The following TMED6 variants were observed in gnomAD, a reference collection of about 807,000 sequenced individuals.
The protein encoded by TMED6 is transmembrane emp24 domain-containing protein 6.
A neutral mutation model predicts 26.5 loss-of-function variants in TMED6; 17 were observed. That is an observed-to-expected ratio of 0.64 (90% CI 0.44 to 0.96). TMED6 has a LOEUF of 0.96. Ranked by LOEUF, TMED6 falls within the 40% of genes least tolerant of loss-of-function variation. The pLI, the probability that TMED6 is intolerant of heterozygous loss-of-function variation, is 0.00. For synonymous variants in TMED6, 107 were observed against 106.2 expected (o/e 1.01, Z -0.04); for missense variants, 309 against 296.5 (o/e 1.04, Z -0.31).
chr16:69,345,162 AG>A (rs2012663857), intron 3 of TMED6, among the ~76,000 whole-genome samples: 1 of 152,144 alleles, frequency 6.6e-6, no homozygotes, highest in Non-Finnish European at 1.5e-5. Flanking sequence ...CTGTAGTCCC[AG>A]CTACTCAGGA....
Position 69,343,299 on chromosome 16 carries a change from A to C in TMED6, c.*108T>G, listed in dbSNP as rs193273917. ...CCATTTTGCTTTTTTAGATGTGTGC[A>C]GCAGACTAAAACATTAATGAGATAA... is the stretch of plus-strand genomic sequence containing the variant. On this transcript the variant is annotated 3_prime_UTR_variant, in exon 4 of 4. Transcript: ENST00000288025. The C allele has an allele frequency of 2.1e-5, 21 of 1,018,614 alleles. No homozygotes were observed. Among genetic ancestry groups the C allele is most frequent in the African/African-American group, 3.3e-5 (2 of 61,410 alleles). 63.1% of individuals were successfully genotyped at this position (1,018,614 alleles called of 1,614,324 possible).
chr16:69,347,803 A>AG lies in TMED6; in HGVS notation c.473dup (p.Leu159SerfsTer5), dbSNP rs745996737. 2.5e-6 allele frequency: 4 copies of AG among 1,613,944 alleles called. No individual in the cohort carries two copies. In the African/African-American group the frequency reaches 4.0e-5, roughly 16 times the overall value. On this transcript the variant is annotated frameshift_variant, in exon 3 of 4. Coordinates refer to ENST00000288025, the MANE Select transcript of TMED6 (RefSeq NM_144676.4). LOFTEE classifies it high-confidence loss of function. ...ACTTCCTTACCTCAATTGCATCCAG[A>AG]GTATCATTCAGTTGTTTTCTTTCCT...
rs143139479 is a variant in TMED6 at position 69,351,701 on chromosome 16, G to A, written c.53C>T (p.Ser18Phe). ...AGLVVLNLVT[S>F]ARSQKTEPLS... is the part of the protein sequence containing the mutation. The stretch of plus-strand genomic sequence containing the variant: ...AGGTTCTGTCTTCTGGCTCCTGGCA[G>A]ACGTCACTAGATTCAGAACGACCAG... Residue 18 changes from serine to phenylalanine, a missense_variant, in exon 1 of 4, where the codon TCT (serine) becomes TTT (phenylalanine). Transcript: ENST00000288025. 11 of 1,613,624 alleles carry A rather than the reference G, an allele frequency of 6.8e-6. No homozygotes were observed. The highest frequency in any genetic ancestry group is 8.5e-6 in the Non-Finnish European group (10 of 1,180,024).
chr16:69,349,624 C>A lies in TMED6; in HGVS notation c.241G>T (p.Asp81Tyr). The A allele has an allele frequency of 1.2e-6, 2 of 1,613,802 alleles. No homozygotes were observed. The highest frequency in any genetic ancestry group is 2.2e-5 in the South Asian group (2 of 91,014). Reference sequence around the variant, plus strand: ...TGTGCCGTGGCAGCAACATGCCGGTCATGTGACATCCCCACTGTCCGCTGA... The same window carrying A: ...TGTGCCGTGGCAGCAACATGCCGGTAATGTGACATCCCCACTGTCCGCTGA... ...EVQRTVGMSH[D>Y]RHVAATAHNP... Residue 81 changes from aspartate (D) to tyrosine (Y), a missense_variant, in exon 2 of 4, where the codon GAC (aspartate) becomes TAC (tyrosine). Asp to Tyr is a radical substitution (Grantham distance 160). Transcript: ENST00000288025.
At chr16:69,345,927 C>T (rs559350985) in intron 3 of TMED6, among the ~76,000 whole-genome samples, 52 of 152,260 alleles carry the variant, frequency 3.4e-4, no homozygotes, top group African/African-American at 1.2e-3. Context: ...AGCTATCCTA[C>T]CTCAGCCTCA....
In TMED6 at chr16:69,349,733, G is replaced by A. The variant is rs371086013; in HGVS notation, c.214-82C>T. 61 of 1,544,006 alleles carry A rather than the reference G, an allele frequency of 4.0e-5. 1 individual carries two copies. The highest frequency in any genetic ancestry group is 1.8e-4 in the African/African-American group (13 of 73,580). On this transcript the variant is annotated intron_variant, in intron 1 of 3. Coordinates refer to ENST00000288025, the MANE Select transcript of TMED6 (RefSeq NM_144676.4). ...CTGAGTGGTAAGATTGACGTCCCAC[G>A]GTCATCAGCACAGCGGTCTCTGTCT...
chr16:69,343,748 T>C, intron 3 of TMED6, 108 bp from the exon 4 acceptor site: 3 of 820,060 alleles, frequency 3.7e-6, no homozygotes, highest in Non-Finnish European at 6.0e-6. Flanking sequence ...ACCCATATGA[T>C]TTTAAGATGT....
At position 69,343,281 on chromosome 16, in the gene TMED6, G is replaced by C; in HGVS notation, c.*126C>G. The C allele has an allele frequency of 2.5e-6, 2 of 788,476 alleles. No homozygotes were observed. The highest frequency in any genetic ancestry group is 4.0e-6 in the Non-Finnish European group (2 of 502,750). The allele number at this position is 788,476 out of a possible 1,614,324, so 48.8% of individuals were successfully genotyped here. A position where few individuals can be genotyped will look rare whatever the true frequency, so the allele number is the denominator to read the frequency against. ...ACTGTTATGATTTTATTGCCATTTT[G>C]CTTTTTTAGATGTGTGCAGCAGACT... On this transcript the variant is annotated 3_prime_UTR_variant, in exon 4 of 4. Transcript: ENST00000288025.
chr16:69,343,317 T>C lies in TMED6; in HGVS notation c.*90A>G. On this transcript the variant is annotated 3_prime_UTR_variant, in exon 4 of 4. Coordinates refer to ENST00000288025, the MANE Select transcript of TMED6 (RefSeq NM_144676.4). ...TGTGTGCAGCAGACTAAAACATTAA[T>C]GAGATAATTGATTTTTGTCCCATAA... 8.7e-7 allele frequency: 1 copy of C among 1,149,414 alleles called. No individual in the cohort carries two copies. Among genetic ancestry groups the C allele is most frequent in the Non-Finnish European group, 1.2e-6 (1 of 812,890 alleles). 71.2% of individuals were successfully genotyped at this position (1,149,414 alleles called of 1,614,324 possible).
At chr16:69,349,124 TTTC>T (rs1226939857) in intron 2 of TMED6, among the ~76,000 whole-genome samples, 1 of 152,222 alleles carries the variant, frequency 6.6e-6, no homozygotes. Context: ...TATCATGCAT[TTTC>T]TTTTGTTCTG....
At chr16:69,348,832 C>A (rs1371629919) in intron 2 of TMED6, among the ~76,000 whole-genome samples, 4 of 152,080 alleles carry the variant, frequency 2.6e-5, no homozygotes, top group Non-Finnish European at 5.9e-5. Flanking sequence ...TCAGGCTGGT[C>A]GCAAACTCCT....
chr16:69,351,550 G>GA lies in TMED6; in HGVS notation c.203dup (p.Ser69GlnfsTer13). The stretch of plus-strand genomic sequence containing the variant: ...CCAGTCACCCACATACCTCGTAACT[G>GA]AAATAGAAGTATCCAGTCTGGTGGG... On this transcript the variant is annotated frameshift_variant, in exon 1 of 4. Transcript: ENST00000288025. LOFTEE classifies it high-confidence loss of function. The GA allele has an allele frequency of 6.2e-7, 1 of 1,614,036 alleles. No homozygotes were observed. Among genetic ancestry groups the GA allele is most frequent in the Non-Finnish European group, 8.5e-7 (1 of 1,179,994 alleles).
At chr16:69,344,831 G>A (rs2012656933) in intron 3 of TMED6, among the ~76,000 whole-genome samples, 1 of 151,742 alleles carries the variant, frequency 6.6e-6, no homozygotes, top group Non-Finnish European at 1.5e-5. Flanking sequence ...GCTCGTTCCT[G>A]TAATCTTAGC....
At chr16:69,347,446 C>T (rs1412118444) in intron 3 of TMED6, among the ~76,000 whole-genome samples, 2 of 152,288 alleles carry the variant, frequency 1.3e-5, no homozygotes, top group African/African-American at 4.8e-5. Flanking sequence ...GCAACCTCTG[C>T]CTCCCAGGGT....
chr16:69,351,543 C>G lies in TMED6; in HGVS notation c.211G>C (p.Glu71Gln). The G allele has an allele frequency of 6.2e-7, 1 of 1,613,976 alleles. No individual in the cohort carries two copies. Residue 71 changes from glutamate to glutamine, a missense_variant and splice_region_variant, in exon 1 of 4, where the codon GAG becomes CAG. Coordinates refer to ENST00000288025, the MANE Select transcript of TMED6 (RefSeq NM_144676.4). ...HQTGYFYFSY[E>Q]VQRTVGMSHD... ...AGTATGGCCAGTCACCCACATACCT[C>G]GTAACTGAAATAGAAGTATCCAGTC...
chr16:69,345,729 A>T (rs2012675873), intron 3 of TMED6, among the ~76,000 whole-genome samples: 3 of 147,994 alleles, frequency 2.0e-5, no homozygotes, highest in African/African-American at 5.0e-5. Flanking sequence ...AAGGATTTTC[A>T]TTTTTTTGAG....
chr16:69,344,377 A>G (rs909592244), intron 3 of TMED6, among the ~76,000 whole-genome samples: 2 of 152,244 alleles, frequency 1.3e-5, no homozygotes, highest in Non-Finnish European at 2.9e-5. Context: ...AAGCAGCCAC[A>G]GACAATATGT....
intron 3 of TMED6, among the ~76,000 whole-genome samples, chr16:69,345,463 C>A (rs574028129): frequency 6.6e-6 from 1 of 152,048 alleles, no homozygotes; most frequent in South Asian, 2.1e-4. Context: ...CTGGACAGAT[C>A]ACAAGGTCAG....
intron 2 of TMED6, 63 bp downstream of exon 2, chr16:69,349,462 A>G (rs2012741063): frequency 1.3e-6 from 2 of 1,562,814 alleles, no homozygotes; most frequent in Non-Finnish European, 1.7e-6. Context: ...ATACTTCCTC[A>G]TTATTTCTGT....
Sources: allele counts gnomAD v4.1 joint callset (sites outside exome capture counted in the v4.1 genomes callset), GRCh38; gene constraint gnomAD v4.1.1; transcripts MANE v1.5; gene names NCBI Gene and HGNC (gene_info 2026-07-23, HGNC 2026-07-21).